RGS4: variants seen among roughly 807,000 people sequenced by gnomAD.
RGS4 encodes regulator of G protein signaling 4.
In RGS4, 15 loss-of-function variants were observed where a neutral mutation model predicts 21.6. The observed-to-expected ratio is 0.69, with a 90% CI of 0.46 to 1.07. The LOEUF (loss-of-function observed/expected upper bound fraction) is 1.07. Among genes scored for constraint, RGS4 ranks in the 50% least tolerant of loss-of-function variants. RGS4 has a pLI of 0.00. For synonymous variants in RGS4, 94 were observed against 85.5 expected, an observed-to-expected ratio of 1.10 and a Z score of -0.55; for missense variants, 237 against 239.0, an observed-to-expected ratio of 0.99 and a Z score of 0.06.
At chr1:163,070,176 T>G (rs1655254624) in intron 1 of RGS4, among the ~76,000 whole-genome samples, 1 of 152,180 alleles carries the variant, frequency 6.6e-6, no homozygotes, top group African/African-American at 2.4e-5. Context: ...TTGTAGAAGA[T>G]CTCATCTTAA....
chr1:163,072,091 G>C (rs954937602), intron 1 of RGS4: 3 of 1,073,224 alleles, frequency 2.8e-6, no homozygotes, highest in Non-Finnish European at 2.3e-6. Flanking sequence ...AGATACCAAA[G>C]ATATTCGGTT....
chr1:163,072,954 CT>C (rs1183689938), intron 3 of RGS4, 88 bp downstream of exon 3: 54 of 1,134,968 alleles, frequency 4.8e-5, no homozygotes, highest in Non-Finnish European at 6.9e-5. Flanking sequence ...CAAGGCCTGG[CT>C]TCTTTCTGAT....
chr1:163,072,571 G>A (rs908425484), intron 2 of RGS4, 72 bp downstream of exon 2: 10 of 1,174,018 alleles, frequency 8.5e-6, no homozygotes, highest in African/African-American at 7.7e-5. Flanking sequence ...CTGTGAGAAG[G>A]AACTTGTGCT....
At chr1:163,069,338 G>C (rs757771553), upstream of RGS4, 7 of 1,552,618 alleles carry the variant, frequency 4.5e-6, no homozygotes, top group Non-Finnish European at 5.2e-6. Flanking sequence ...GGCTATAAAA[G>C]AGACCCCTAC....
chr1:163,072,165 C>T, intron 1 of RGS4: 1 of 1,117,374 alleles, frequency 8.9e-7, no homozygotes, highest in South Asian at 3.0e-5. Flanking sequence ...GGTCAGAATT[C>T]CAGTTGTGGA....
intron 3 of RGS4, 123 bp from the exon 4 acceptor site, chr1:163,073,333 G>C: frequency 1.3e-6 from 1 of 780,106 alleles, no homozygotes; most frequent in Non-Finnish European, 2.0e-6. Flanking sequence ...GAAAAAAGCA[G>C]GGGAAAAAGG....
intron 1 of RGS4, among the ~76,000 whole-genome samples, chr1:163,070,044 T>C (rs1204229933): frequency 6.6e-6 from 1 of 152,164 alleles, no homozygotes; most frequent in Non-Finnish European, 1.5e-5. Flanking sequence ...AAGCAAATGT[T>C]ACAATGAGAT....
In RGS4 at chr1:163,074,733, G is replaced by A. The variant is rs1655441298; in HGVS notation, c.*173G>A. The A allele has an allele frequency of 2.1e-6, 2 of 972,542 alleles. No individual in the cohort carries two copies. Among genetic ancestry groups the A allele is most frequent in the Admixed American group, 2.0e-5 (1 of 50,428 alleles). 60.2% of individuals were successfully genotyped at this position (972,542 alleles called of 1,614,324 possible). A position where few individuals can be genotyped will look rare whatever the true frequency, so the allele number is the denominator to read the frequency against. ...GCATAAACTAGATATAGCTTTTGGT[G>A]TTTGAGTGTTCATCAGGGTGGGACC... On this transcript the variant is annotated 3_prime_UTR_variant, in exon 5 of 5. Coordinates refer to ENST00000367909, the MANE Select transcript of RGS4 (RefSeq NM_005613.6).
rs181490889 is a variant in RGS4, at chr1:163,073,517, C to T, written c.273C>T (p.Phe91=). Residue 91 remains phenylalanine, a synonymous_variant, in exon 4 of 5, where the codon TTC becomes TTT. Transcript: ENST00000367909. ...KSEYSEENID[F]WISCEEYKKI... ...AATATAGTGAGGAGAATATTGACTT[C>T]TGGATCAGCTGTGAAGAGTACAAGA... 54 of 1,608,758 alleles carry T rather than the reference C, an allele frequency of 3.4e-5. No individual in the cohort carries two copies. The highest frequency in any genetic ancestry group is 4.5e-5 in the Non-Finnish European group (53 of 1,178,318).
Position 163,073,453 on chromosome 1 carries a change from T to C in RGS4, c.212-3T>C, listed in dbSNP as rs775714471. ...AACTGTGGTCCTTTCTCCTGTATCATAGGTGGGCTGGCAGCTTTCAAAGCT... is the reference window on the plus strand; with the variant it reads ...AACTGTGGTCCTTTCTCCTGTATCACAGGTGGGCTGGCAGCTTTCAAAGCT... On this transcript the variant is annotated splice_polypyrimidine_tract_variant and splice_region_variant and intron_variant, in intron 3 of 4. Transcript: ENST00000367909. The C allele has an allele frequency of 2.6e-5, 41 of 1,570,874 alleles. No homozygotes were observed. Among genetic ancestry groups the C allele is most frequent in the Non-Finnish European group, 3.4e-5 (40 of 1,164,558 alleles).
intron 1 of RGS4, chr1:163,071,923 T>C (rs912624243): frequency 7.8e-5 from 75 of 959,684 alleles, no homozygotes; most frequent in Non-Finnish European, 8.9e-5. Context: ...GAGGTGCTTC[T>C]ACAGTTCCCT....
chr1:163,073,919 G>A (rs1655411476), intron 4 of RGS4: 1 of 364,108 alleles, frequency 2.7e-6, no homozygotes, highest in Non-Finnish European at 4.9e-6. Flanking sequence ...TGACCAAAAA[G>A]GTAAGCTTTT....
rs771703979 is a variant in RGS4, at chr1:163,069,496, G to A, written c.12G>A (p.Gly4=). 1.2e-6 allele frequency: 2 copies of A among 1,613,538 alleles called. No homozygotes were observed. The highest frequency in any genetic ancestry group is 1.7e-6 in the Non-Finnish European group (2 of 1,179,734). Residue 4 remains glycine (G), a synonymous_variant, in exon 1 of 5, where the codon GGG becomes GGA. Coordinates refer to ENST00000367909, the MANE Select transcript of RGS4 (RefSeq NM_005613.6). The part of the protein sequence containing the change: MCK[G]LAGLPASCLR... ...AGCTGTTAAATAAGATGTGCAAAGGGCTTGCAGGTCTGCCGGCTTCTTGCT... is the reference window on the plus strand; with the variant it reads ...AGCTGTTAAATAAGATGTGCAAAGGACTTGCAGGTCTGCCGGCTTCTTGCT...
Position 163,074,551 on chromosome 1 carries a change from GT to G in RGS4, c.610del (p.Cys204ValfsTer11), listed in dbSNP as rs1378163893. On this transcript the variant is annotated frameshift_variant, in exon 5 of 5. Transcript: ENST00000367909. LOFTEE classifies it high-confidence loss of function. ...SADCASLVPQCA is the reference protein window; with the variant it reads ...SADCASLVPQXA Reference sequence around the variant, plus strand: ...CAGACTGTGCTTCCCTGGTCCCTCAGTGTGCCTAATTCTCACCTGAAGGCAG... The same window carrying G: ...CAGACTGTGCTTCCCTGGTCCCTCAGGTGCCTAATTCTCACCTGAAGGCAG... The G allele has an allele frequency of 6.2e-7, 1 of 1,613,902 alleles. No individual in the cohort carries two copies. Among genetic ancestry groups the G allele is most frequent in the Non-Finnish European group, 8.5e-7 (1 of 1,179,882 alleles).
upstream of RGS4, chr1:163,068,926 TC>T (rs1655208190): frequency 1.3e-6 from 2 of 1,572,964 alleles, no homozygotes; most frequent in Non-Finnish European, 1.7e-6. Context: ...GAGGATCAGA[TC>T]TTGGACCATG....
At chr1:163,070,239 C>T (rs191151767) in intron 1 of RGS4, among the ~76,000 whole-genome samples, 3 of 152,134 alleles carry the variant, frequency 2.0e-5, no homozygotes, top group Non-Finnish European at 2.9e-5. Context: ...ACCTTACAGA[C>T]ATACAGCTAT....
At position 163,069,458 on chromosome 1, in the gene RGS4, C is replaced by A; in HGVS notation, c.-27C>A. The A allele has an allele frequency of 6.2e-7, 1 of 1,613,450 alleles. No individual in the cohort carries two copies. Among genetic ancestry groups the A allele is most frequent in the East Asian group, 2.2e-5 (1 of 44,756 alleles). On this transcript the variant is annotated 5_prime_UTR_variant, in exon 1 of 5. Coordinates refer to ENST00000367909, the MANE Select transcript of RGS4 (RefSeq NM_005613.6). Reference sequence around the variant, plus strand: ...CTCCTCCTGCCGCATTTCTTTCCTGCTTGCGAATTCCAAGCTGTTAAATAA... The same window carrying A: ...CTCCTCCTGCCGCATTTCTTTCCTGATTGCGAATTCCAAGCTGTTAAATAA...
chr1:163,073,853 A>G (rs966020424), intron 4 of RGS4: 3 of 449,188 alleles, frequency 6.7e-6, no homozygotes, highest in Admixed American at 4.0e-5. Context: ...ATCAAACACT[A>G]GAACCTATTC....
chr1:163,073,657 A>T, intron 4 of RGS4, 35 bp downstream of exon 4: 1 of 1,421,742 alleles, frequency 7.0e-7, no homozygotes, highest in Non-Finnish European at 9.6e-7. Flanking sequence ...AATTGTACGT[A>T]TTTATGGAGT....
Sources: gnomAD v4.1 joint callset for allele counts (sites outside exome capture counted in the v4.1 genomes callset) on GRCh38, gnomAD v4.1.1 for gene constraint, MANE v1.5 for transcripts, NCBI Gene and HGNC (gene_info 2026-07-23, HGNC 2026-07-21) for gene names.